Variants in YJU2 observed in about 807,000 individuals in gnomAD.
YJU2 encodes the protein splicing factor YJU2.
A neutral mutation model predicts 39.6 loss-of-function variants in YJU2; 28 were observed. The ratio of observed to expected loss-of-function variants is 0.71; its 90% CI spans 0.52 to 0.97. The LOEUF (loss-of-function observed/expected upper bound fraction) is 0.97. Ranked by LOEUF, YJU2 falls within the 50% of genes least tolerant of loss-of-function variation. The probability of loss-of-function intolerance (pLI) is 0.00; values close to 1 mark genes in which losing one functional copy is unlikely to be tolerated. For missense variants in YJU2, 328 were observed against 430.4 expected (o/e 0.76, Z 2.11); for synonymous variants, 184 against 182.4 (o/e 1.01, Z -0.07).
At chr19:4,257,391 C>G (rs978981215) in intron 4 of YJU2, among the ~76,000 whole-genome samples, 3 of 152,104 alleles carry the variant, frequency 2.0e-5, no homozygotes, top group African/African-American at 7.3e-5. Flanking sequence ...CTCCTGGGTT[C>G]AAGTGATTCT....
chr19:4,247,540 G>C (rs1185420552), intron 1 of YJU2, among the ~76,000 whole-genome samples: 3 of 136,934 alleles, frequency 2.2e-5, no homozygotes, highest in Non-Finnish European at 4.7e-5. Flanking sequence ...CTTGGGGACT[G>C]TAACCAATCG....
Position 4,251,054 on chromosome 19 carries a change from C to T in YJU2, c.153C>T (p.Tyr51=). 1 of 1,614,190 alleles carries T rather than the reference C, an allele frequency of 6.2e-7. No homozygotes were observed. Among genetic ancestry groups the T allele is most frequent in the South Asian group, 1.1e-5 (1 of 91,086 alleles). ...MRCKTCGEYI[Y]KGKKFNARKE... ...GTAAGACGTGCGGAGAATACATCTA[C>T]AAGGGGAAGAAATTCAATGCTCGGA... Residue 51 remains tyrosine, a synonymous_variant, in exon 3 of 8, where the codon TAC becomes TAT. Transcript: ENST00000262962.
intron 4 of YJU2, 63 bp from the exon 5 acceptor site, chr19:4,258,179 A>T: frequency 6.6e-7 from 1 of 1,524,554 alleles, no homozygotes. Context: ...CCCCGAGGCC[A>T]GACAGGGTTT....
chr19:4,247,579 GCGCGTGTGTGTGTGTGTGTGTGTGT>G (rs1970932213), intron 1 of YJU2, among the ~76,000 whole-genome samples: 1 of 52,688 alleles, frequency 1.9e-5, no homozygotes, highest in African/African-American at 1.8e-4. Flanking sequence ...GGGTGGGGTG[GCGCGTGTGTGTGTGTGTGTGTGTGT>G]GTGTGTGTGT....
chr19:4,249,652 C>T (rs1970959800), intron 2 of YJU2, among the ~76,000 whole-genome samples: 1 of 151,824 alleles, frequency 6.6e-6, no homozygotes, highest in Admixed American at 6.6e-5. Context: ...TACCCCAGGG[C>T]CTTTGCACAC....
At chr19:4,259,470 C>T (rs920429982) in intron 5 of YJU2, among the ~76,000 whole-genome samples, 8 of 152,152 alleles carry the variant, frequency 5.3e-5, no homozygotes, top group African/African-American at 1.7e-4. Flanking sequence ...GCCTCCATCT[C>T]CCGGGCTCAA....
chr19:4,263,809 CA>C (rs34863832), intron 6 of YJU2, among the ~76,000 whole-genome samples: 39,462 of 97,884 alleles, frequency 0.4, 5,610 homozygotes, highest in East Asian at 0.54. Context: ...GACTCTATCT[CA>C]AAAAAAAAAA....
chr19:4,255,169 A>C (rs992254342), intron 4 of YJU2, among the ~76,000 whole-genome samples: 2 of 151,972 alleles, frequency 1.3e-5, no homozygotes, highest in Non-Finnish European at 2.9e-5. Context: ...GGTTGCAGTG[A>C]GCCGAGATCA....
chr19:4,260,023 T>C (rs1216325329), intron 5 of YJU2, among the ~76,000 whole-genome samples: 5 of 152,100 alleles, frequency 3.3e-5, no homozygotes, highest in Non-Finnish European at 7.4e-5. Flanking sequence ...GGTCCAGGCA[T>C]GAGCCCCACC....
chr19:4,247,271 T>A, intron 1 of YJU2, 101 bp downstream of exon 1: 1 of 1,110,652 alleles, frequency 9.0e-7, no homozygotes, highest in South Asian at 1.4e-5. Flanking sequence ...AACCCTTCTT[T>A]CCCAGCGGCC....
Position 4,258,312 on chromosome 19 carries a change from A to G in YJU2, c.476A>G (p.Asp159Gly). 1 of 1,573,350 alleles carries G rather than the reference A, an allele frequency of 6.4e-7. No individual in the cohort carries two copies. Among genetic ancestry groups the G allele is most frequent in the Non-Finnish European group, 8.6e-7 (1 of 1,159,458 alleles). The change falls in exon 5 of 8, where the codon GAC becomes GGC. Residue 159 changes from aspartate to glycine, a missense_variant. Asp to Gly is a moderately conservative substitution (Grantham distance 94). Coordinates refer to ENST00000262962, the MANE Select transcript of YJU2 (RefSeq NM_018074.6). ...EVLENLQELKDLNQRQAHVDF... is the reference protein window; with the variant it reads ...EVLENLQELKGLNQRQAHVDF... ...CTGGAGAACCTCCAGGAGCTGAAAG[A>G]CCTGAACCAGCGGCAGGCGCACGTG...
intron 6 of YJU2, among the ~76,000 whole-genome samples, chr19:4,264,280 A>AG (rs1568363937): frequency 6.7e-6 from 1 of 149,678 alleles, no homozygotes; most frequent in African/African-American, 2.4e-5. Context: ...AAAAAAAAAA[A>AG]AAAAAAGAAA....
intron 3 of YJU2, among the ~76,000 whole-genome samples, chr19:4,251,683 TAAAAA>T (rs34528734): frequency 3.9e-5 from 4 of 102,868 alleles, no homozygotes; most frequent in African/African-American, 3.3e-5. Context: ...AGACTCCAAC[TAAAAA>T]AAAAAAAAAA....
chr19:4,267,624 G>A lies in YJU2; in HGVS notation c.709G>A (p.Ala237Thr), dbSNP rs755337378. 1 of 1,611,822 alleles carries A rather than the reference G, an allele frequency of 6.2e-7. No homozygotes were observed. Among genetic ancestry groups the A allele is most frequent in the Non-Finnish European group, 8.5e-7 (1 of 1,179,170 alleles). Residue 237 changes from alanine (A) to threonine (T), a missense_variant and splice_region_variant, in exon 7 of 8, where the codon GCC becomes ACC. Ala to Thr is a moderately conservative substitution (Grantham distance 58, BLOSUM62 0). Coordinates refer to ENST00000262962, the MANE Select transcript of YJU2 (RefSeq NM_018074.6). ...RPNPTAILDEAPKPKRKVEVW... is the reference protein window; with the variant it reads ...RPNPTAILDETPKPKRKVEVW... ...CCACATGTGTCCCCATCACCTGCAGGCCCCAAAGCCCAAGAGGAAGGTGGA... is the reference window on the plus strand; with the variant it reads ...CCACATGTGTCCCCATCACCTGCAGACCCCAAAGCCCAAGAGGAAGGTGGA...
In YJU2 at chr19:4,260,379, G is replaced by A. The variant is rs545629703; in HGVS notation, c.588-1615G>A. Among the ~76,000 whole-genome samples, 7 of 152,266 alleles carry A rather than the reference G, an allele frequency of 4.6e-5. No homozygotes were observed. The East Asian group carries it at 1.4e-3, about 30-fold the overall frequency. ...GGAGGCAGAGGTTATAGTGAGCCGA[G>A]ATGGTGCCACTGAACTCCAGCCTGG... is the stretch of plus-strand genomic sequence containing the variant. On this transcript the variant is annotated intron_variant, in intron 5 of 7. Transcript: ENST00000262962.
rs376512993 is a variant in YJU2 at position 4,258,437 on chromosome 19, G to A, written c.587+14G>A. 694 of 1,569,168 alleles carry A rather than the reference G, an allele frequency of 4.4e-4. 1 individual carries two copies. The highest frequency in any genetic ancestry group is 5.7e-4 in the Non-Finnish European group (665 of 1,158,150). Reference sequence around the variant, plus strand: ...GCAGGAGACCGCGTGAGTCAGGGCCGGCCCAACCCAGCCCCACCTCGCAGC... The same window carrying A: ...GCAGGAGACCGCGTGAGTCAGGGCCAGCCCAACCCAGCCCCACCTCGCAGC... On this transcript the variant is annotated intron_variant, in intron 5 of 7. Coordinates refer to ENST00000262962, the MANE Select transcript of YJU2 (RefSeq NM_018074.6).
At chr19:4,255,310 A>G (rs531127473) in intron 4 of YJU2, among the ~76,000 whole-genome samples, 1 of 152,126 alleles carries the variant, frequency 6.6e-6, no homozygotes, top group Non-Finnish European at 1.5e-5. Context: ...GGAGCCATGC[A>G]TGGTGGCTTG....
chr19:4,267,823 G>A, intron 7 of YJU2, 49 bp downstream of exon 7: 1 of 1,536,372 alleles, frequency 6.5e-7, no homozygotes, highest in Non-Finnish European at 8.8e-7. Context: ...ATAGTGGCCT[G>A]TAGGTGGCAG....
At position 4,269,006 on chromosome 19, in the gene YJU2, A is replaced by T; in HGVS notation, c.*310A>T. On this transcript the variant is annotated 3_prime_UTR_variant, in exon 8 of 8. Coordinates refer to ENST00000262962, the MANE Select transcript of YJU2 (RefSeq NM_018074.6). ...ACTTCAGGGTGGCAGTGTTTGGGGC[A>T]CTGGGCGAGCCTGCCGGCCTCTAGA... is the stretch of plus-strand genomic sequence containing the variant. 2.8e-6 allele frequency: 1 copy of T among 358,256 alleles called. No individual in the cohort carries two copies. The highest frequency in any genetic ancestry group is 5.2e-6 in the Non-Finnish European group (1 of 191,744). The allele number at this position is 358,256 out of a possible 1,614,324, so 22.2% of individuals were successfully genotyped here.
Sources: gnomAD v4.1 joint callset for allele counts (sites outside exome capture counted in the v4.1 genomes callset) on GRCh38, gnomAD v4.1.1 for gene constraint, MANE v1.5 for transcripts, NCBI Gene and HGNC (gene_info 2026-07-23, HGNC 2026-07-21) for gene names.